The following AJAP1 variants were observed in gnomAD, a reference collection of about 807,000 sequenced individuals.
AJAP1 encodes the protein adherens junction-associated protein 1.
In AJAP1, 5 loss-of-function variants were observed where a neutral mutation model predicts 35.0. The observed-to-expected ratio is 0.14, with a 90% confidence interval of 0.07 to 0.30. AJAP1 has a LOEUF of 0.30. Ranked by LOEUF, AJAP1 falls within the 10% of genes least tolerant of loss-of-function variation. The pLI is 1.00. For synonymous variants in AJAP1, 284 were observed against 249.3 expected (o/e 1.14, Z -1.31); for missense variants, 586 against 571.0 (o/e 1.03, Z -0.27).
At chr1:4,722,561 C>T (rs887390797) in intron 2 of AJAP1, among the ~76,000 whole-genome samples, 29 of 152,348 alleles carry the variant, frequency 1.9e-4, no homozygotes, top group African/African-American at 7.0e-4. Flanking sequence ...ATGGTTTAAA[C>T]AGAAACCTAT....
Position 4,712,018 on chromosome 1 carries a change from T to G in AJAP1, c.148T>G (p.Phe50Val). ...TGAGGCCCTGGGCCCGGGGCCGGAG[T>G]TCTGGCTCCTGCCGCGGTCGCCGCC... ...ACEALGPGPE[F>V]WLLPRSPPRP... Residue 50 changes from phenylalanine to valine, a missense_variant, in exon 2 of 6, where the codon TTC becomes GTC. Phe to Val is a conservative substitution (Grantham distance 50, BLOSUM62 -1). Coordinates refer to ENST00000378191, the MANE Select transcript of AJAP1 (RefSeq NM_018836.4). 6.3e-7 allele frequency: 1 copy of G among 1,595,260 alleles called. No individual in the cohort carries two copies. The highest frequency in any genetic ancestry group is 8.5e-7 in the Non-Finnish European group (1 of 1,173,700).
rs1641905948 is a variant in AJAP1 at position 4,774,579 on chromosome 1, A to AT, written c.*59+23dup. 7 of 1,429,356 alleles carry AT rather than the reference A, an allele frequency of 4.9e-6. No individual in the cohort carries two copies. In the South Asian group the frequency reaches 8.0e-5, roughly 16 times the overall value. The allele number at this position is 1,429,356 out of a possible 1,614,324, so 88.5% of individuals were successfully genotyped here. On this transcript the variant is annotated intron_variant, in intron 5 of 5. Coordinates refer to ENST00000378191, the MANE Select transcript of AJAP1 (RefSeq NM_018836.4). ...TCACGGTAGGTACCTCTCTTTGGAC[A>AT]TTCCTGTTTTCGTTCCCTTTCCTCC... is the stretch of plus-strand genomic sequence containing the variant.
At position 4,734,765 on chromosome 1, in the gene AJAP1, G is replaced by T. The variant is rs896134680; in HGVS notation, c.829+22066G>T. ...AAGGAGAAGGGCAGCACCCAAGAGG[G>T]GTCAGTGATGGTGGCAGGGCCAAGG... On this transcript the variant is annotated intron_variant, in intron 2 of 5. Coordinates refer to ENST00000378191, the MANE Select transcript of AJAP1 (RefSeq NM_018836.4). This position sits in a 1 kb window ranked among gnomAD's most constrained non-coding sequence, Gnocchi z 4.3. 6.6e-6 allele frequency among the ~76,000 whole-genome samples: 1 copy of T among 152,138 alleles called. No individual in the cohort carries two copies. Among genetic ancestry groups the T allele is most frequent in the African/African-American group, 2.4e-5 (1 of 41,420 alleles).
intron 2 of AJAP1, among the ~76,000 whole-genome samples, chr1:4,745,645 A>G (rs982930998): frequency 6.6e-6 from 1 of 152,188 alleles, no homozygotes; most frequent in Non-Finnish European, 1.5e-5. Flanking sequence ...CAGAGCACAG[A>G]GGATGGGAGA....
At chr1:4,660,748 T>G (rs922491032) in intron 1 of AJAP1, among the ~76,000 whole-genome samples, 18 of 152,154 alleles carry the variant, frequency 1.2e-4, no homozygotes, top group Non-Finnish European at 1.5e-5. Flanking sequence ...CAAAACTTGC[T>G]CAGTTATGTC....
rs1385993360 is a variant in AJAP1, at chr1:4,782,117, C to G, written c.*60-428C>G. ...CCGCAGCACAGGAGTGGAGCAGGCC[C>G]CACGCCACCCTCCATGGGAGGAAAC... On this transcript the variant is annotated intron_variant, in intron 5 of 5. Coordinates refer to ENST00000378191, the MANE Select transcript of AJAP1 (RefSeq NM_018836.4). This position sits in a 1 kb window ranked among gnomAD's most constrained non-coding sequence, Gnocchi z 5.3. Among the ~76,000 whole-genome samples the G allele has an allele frequency of 6.6e-6, 1 of 152,144 alleles. No homozygotes were observed. Among genetic ancestry groups the G allele is most frequent in the Non-Finnish European group, 1.5e-5 (1 of 68,026 alleles).
At chr1:4,710,497 A>G (rs1640207175) in intron 1 of AJAP1, among the ~76,000 whole-genome samples, 1 of 152,080 alleles carries the variant, frequency 6.6e-6, no homozygotes, top group Non-Finnish European at 1.5e-5. Context: ...ACACGCACAC[A>G]CTCACACACT....
intron 2 of AJAP1, among the ~76,000 whole-genome samples, chr1:4,745,291 G>A (rs1327667351): frequency 2.0e-5 from 3 of 152,104 alleles, no homozygotes; most frequent in Admixed American, 1.3e-4. Flanking sequence ...CGAGAAGGCT[G>A]TTGTGGGTAT....
intron 2 of AJAP1, among the ~76,000 whole-genome samples, chr1:4,757,433 C>T (rs1641457803): frequency 6.6e-6 from 1 of 152,220 alleles, no homozygotes; most frequent in African/African-American, 2.4e-5. Flanking sequence ...GGCATGTTCT[C>T]ACTATGATGG....
chr1:4,718,490 C>CTTT (rs572430674), intron 2 of AJAP1, among the ~76,000 whole-genome samples: 2 of 141,944 alleles, frequency 1.4e-5, no homozygotes, highest in African/African-American at 5.2e-5. Context: ...TCTTTCTTTC[C>CTTT]TTTTTTTTTT....
intron 1 of AJAP1, among the ~76,000 whole-genome samples, chr1:4,665,034 C>T (rs531239841): frequency 6.6e-6 from 1 of 152,168 alleles, no homozygotes; most frequent in Non-Finnish European, 1.5e-5. Flanking sequence ...TGCTCTCTGG[C>T]TTGGAAAGGA....
At position 4,703,503 on chromosome 1, in the gene AJAP1, C is replaced by T. The variant is rs562014650; in HGVS notation, c.30-8397C>T. ...TTTGGGAGACACTTTCCCTTTCTCT[C>T]AAGGGCAGAACCACCAGGGAACTTG... On this transcript the variant is annotated intron_variant, in intron 1 of 5. Coordinates refer to ENST00000378191, the MANE Select transcript of AJAP1 (RefSeq NM_018836.4). Among the ~76,000 whole-genome samples the T allele has an allele frequency of 4.6e-5, 7 of 152,252 alleles. No individual in the cohort carries two copies. The South Asian group carries it at 1.5e-3, about 32-fold the overall frequency.
chr1:4,670,232 G>A (rs1639222647), intron 1 of AJAP1, among the ~76,000 whole-genome samples: 1 of 152,120 alleles, frequency 6.6e-6, no homozygotes, highest in African/African-American at 2.4e-5. Flanking sequence ...GTGGCAGCCG[G>A]TCTGTCTTTA....
intron 1 of AJAP1, among the ~76,000 whole-genome samples, chr1:4,664,450 G>A (rs776484597): frequency 6.6e-6 from 1 of 152,164 alleles, no homozygotes; most frequent in African/African-American, 2.4e-5. Context: ...GGACAATGGT[G>A]GTGGAGTTGC....
chr1:4,705,485 A>G (rs942390628), intron 1 of AJAP1, among the ~76,000 whole-genome samples: 1 of 137,686 alleles, frequency 7.3e-6, no homozygotes, highest in Admixed American at 8.3e-5. Context: ...CCTGCTTCCA[A>G]AGATTCTGGA....
At chr1:4,669,473 T>C (rs1639204641) in intron 1 of AJAP1, among the ~76,000 whole-genome samples, 1 of 151,988 alleles carries the variant, frequency 6.6e-6, no homozygotes, top group African/African-American at 2.4e-5. Context: ...ATGAAGTGAG[T>C]GCAAGCAGGG....
At chr1:4,689,152 G>A (rs61765029) in intron 1 of AJAP1, among the ~76,000 whole-genome samples, 14 of 152,214 alleles carry the variant, frequency 9.2e-5, no homozygotes, top group African/African-American at 2.4e-4. Flanking sequence ...TGTCCAGAAC[G>A]GTCCCTGACA....
chr1:4,703,150 G>A (rs141477276), intron 1 of AJAP1, among the ~76,000 whole-genome samples: 167 of 152,302 alleles, frequency 1.1e-3, no homozygotes, highest in Non-Finnish European at 1.7e-3. Flanking sequence ...GAGGTAGAGC[G>A]CGGAGTGGCT....
chr1:4,700,660 G>A lies in AJAP1; in HGVS notation c.30-11240G>A, dbSNP rs182052892. 4.1e-4 allele frequency among the ~76,000 whole-genome samples: 63 copies of A among 152,302 alleles called. No homozygotes were observed. The East Asian group carries it at 0.012, about 29-fold the overall frequency. On this transcript the variant is annotated intron_variant, in intron 1 of 5. Coordinates refer to ENST00000378191, the MANE Select transcript of AJAP1 (RefSeq NM_018836.4). ...GAGCTAGGGCTTGGCGCTGGGATGG[G>A]GTAGCTCGTGCTGGGGGCCCAGTCT...
Sources: allele counts gnomAD v4.1 joint callset (sites outside exome capture counted in the v4.1 genomes callset), GRCh38; gene constraint gnomAD v4.1.1; non-coding constraint Gnocchi (gnomAD v3.1); transcripts MANE v1.5; gene names NCBI Gene and HGNC (gene_info 2026-07-23, HGNC 2026-07-21).